TLCD3B: variants seen among roughly 807,000 people sequenced by gnomAD.
TLCD3B encodes TLC domain containing 3B, also known as ceramide synthase.
A neutral mutation model predicts 23.0 loss-of-function variants in TLCD3B; 9 were observed. That is an observed-to-expected ratio of 0.39 (90% CI 0.24 to 0.68). The LOEUF (loss-of-function observed/expected upper bound fraction) is 0.68. Ranked by LOEUF, TLCD3B falls within the 30% of genes least tolerant of loss-of-function variation. TLCD3B has a pLI of 0.44. For synonymous variants in TLCD3B, 161 were observed against 161.0 expected, an observed-to-expected ratio of 1.00 and a Z score of 0.00; for missense variants, 307 against 371.8, an observed-to-expected ratio of 0.83 and a Z score of 1.43.
chr16:30,025,081 G>C lies in TLCD3B; in HGVS notation c.*102C>G, dbSNP rs1440661332. 1.3e-6 allele frequency: 1 copy of C among 780,642 alleles called. No individual in the cohort carries two copies. Among genetic ancestry groups the C allele is most frequent in the African/African-American group, 1.8e-5 (1 of 56,076 alleles). 48.4% of individuals were successfully genotyped at this position (780,642 alleles called of 1,614,324 possible). A position where few individuals can be genotyped will look rare whatever the true frequency, so the allele number is the denominator to read the frequency against. On this transcript the variant is annotated 3_prime_UTR_variant, in exon 5 of 5. Transcript: ENST00000380495. The surrounding 1 kb of genome is among the most constrained non-coding windows in gnomAD (Gnocchi z 4.1). ...CGGGGTCATCGTCAGTCCTGGGGTT[G>C]TCCGGGCAAGAGGACCCTGGCTCCC...
At chr16:30,038,723 A>C (rs1407811396) in intron 3 of TLCD3B, among the ~76,000 whole-genome samples, 2 of 151,986 alleles carry the variant, frequency 1.3e-5, no homozygotes, top group African/African-American at 4.8e-5. Context: ...ACGCCACTGC[A>C]CTTCAGCCTG....
chr16:30,047,763 A>ATTTT (rs538919957), intron 1 of TLCD3B, among the ~76,000 whole-genome samples: 14 of 145,064 alleles, frequency 9.7e-5, no homozygotes, highest in African/African-American at 2.3e-4. Context: ...GTGGCCTATA[A>ATTTT]TTTTTTTTTT....
chr16:30,039,430 C>T (rs544297298), intron 3 of TLCD3B, among the ~76,000 whole-genome samples: 1 of 151,554 alleles, frequency 6.6e-6, no homozygotes, highest in South Asian at 2.1e-4. Flanking sequence ...GCTTCTTCCT[C>T]ATATTCTTTT....
rs1336376395 is a variant in TLCD3B, at chr16:30,026,737, C to T, written c.316G>A (p.Gly106Arg). ...GCTCTGGCCGCTCCGTCGTCCCCTC[C>T]ATGCCCTTTGACCTGGTGCTTGTGC... ...HWHKHQVKGH[G>R]GDDGAARAPG... Residue 106 changes from glycine to arginine, a missense_variant, in exon 3 of 5, where the codon GGA becomes AGA. Physicochemically the swap from Gly to Arg is moderately radical, Grantham distance 125 (BLOSUM62 -2). Transcript: ENST00000380495. 1.2e-6 allele frequency: 2 copies of T among 1,614,168 alleles called. No homozygotes were observed. The highest frequency in any genetic ancestry group is 1.7e-6 in the Non-Finnish European group (2 of 1,180,038).
chr16:30,051,552 A>G (rs1449045812), intron 1 of TLCD3B, among the ~76,000 whole-genome samples: 1 of 151,472 alleles, frequency 6.6e-6, no homozygotes, highest in Non-Finnish European at 1.5e-5. Flanking sequence ...AAAGAAAAGA[A>G]AAAAGAAAGA....
intron 1 of TLCD3B, among the ~76,000 whole-genome samples, chr16:30,047,000 G>A (rs756224244): frequency 5.9e-5 from 9 of 152,100 alleles, no homozygotes; most frequent in Non-Finnish European, 7.3e-5. Context: ...TCGATCTGTC[G>A]TCCAGGCTGG....
intron 1 of TLCD3B, among the ~76,000 whole-genome samples, chr16:30,047,412 C>G (rs1261769618): frequency 2.0e-5 from 3 of 152,106 alleles, no homozygotes; most frequent in African/African-American, 7.2e-5. Context: ...ACCTCTGCCT[C>G]CCAGGTTCAA....
At chr16:30,037,154 C>T (rs2071489887) in intron 3 of TLCD3B, among the ~76,000 whole-genome samples, 1 of 151,506 alleles carries the variant, frequency 6.6e-6, no homozygotes, top group South Asian at 2.1e-4. Flanking sequence ...AGGCTGGAAT[C>T]CCCGCACCTC....
intron 1 of TLCD3B, among the ~76,000 whole-genome samples, chr16:30,050,672 CA>C (rs2071736320): frequency 6.6e-6 from 1 of 152,182 alleles, no homozygotes; most frequent in South Asian, 2.1e-4. Context: ...CTGAGAGGGC[CA>C]GGGGTGGCCA....
Position 30,030,129 on chromosome 16 carries a change from T to A in TLCD3B, c.125+274A>T, listed in dbSNP as rs4788214. 571 of 1,466,824 alleles carry A rather than the reference T, an allele frequency of 3.9e-4. 11 individuals carry two copies. In the Admixed American group the frequency reaches 0.011, roughly 29 times the overall value. 90.9% of individuals were successfully genotyped at this position (1,466,824 alleles called of 1,614,324 possible). On this transcript the variant is annotated intron_variant, in intron 1 of 4. Transcript: ENST00000380495. The stretch of plus-strand genomic sequence containing the variant: ...GTCTTATAGGAATGTCTTCGCCGCA[T>A]GCTGGCCCTGTTTTGGAGGGTGGGA...
At position 30,025,839 on chromosome 16, in the gene TLCD3B, A is replaced by C. The variant is rs1406662920; in HGVS notation, c.445-18T>G. ...CGCCACACCTGGGCACAGAGGCAGGAAGGTGAGGAGCTGGGGCTCTCCCTG... is the reference window on the plus strand; with the variant it reads ...CGCCACACCTGGGCACAGAGGCAGGCAGGTGAGGAGCTGGGGCTCTCCCTG... On this transcript the variant is annotated intron_variant, in intron 3 of 4. Transcript: ENST00000380495. This position sits in a 1 kb window ranked among gnomAD's most constrained non-coding sequence, Gnocchi z 4.1. 1 of 1,604,164 alleles carries C rather than the reference A, an allele frequency of 6.2e-7. No homozygotes were observed. Among genetic ancestry groups the C allele is most frequent in the Non-Finnish European group, 8.5e-7 (1 of 1,171,528 alleles).
upstream of TLCD3B, among the ~76,000 whole-genome samples, chr16:30,033,987 A>C (rs1360241115): frequency 1.3e-5 from 2 of 151,928 alleles, no homozygotes; most frequent in East Asian, 3.9e-4. Flanking sequence ...AAGAATTGGG[A>C]GACAGCCCAC....
Position 30,037,198 on chromosome 16 carries a change from G to T in TLCD3B, c.-66-984C>A, listed in dbSNP as rs866902041. Among the ~76,000 whole-genome samples the T allele has an allele frequency of 2.6e-5, 4 of 151,782 alleles. No individual in the cohort carries two copies. The Middle Eastern group carries it at 0.01, about 387-fold the overall frequency. On this transcript the variant is annotated intron_variant, in intron 3 of 6. Transcript: ENST00000561666. ...AGGTGGGAGGATCACTTGAGGCCAG[G>T]AGTTCAAGACCAGTTTGGGCAACAT...
chr16:30,026,951 TG>T, intron 2 of TLCD3B, 108 bp from the exon 3 acceptor site: 1 of 911,642 alleles, frequency 1.1e-6, no homozygotes, highest in East Asian at 2.6e-5. Context: ...AGCGGAGTCT[TG>T]GGTACAGATG....
At chr16:30,040,133 C>CAA (rs1205462051) in intron 3 of TLCD3B, among the ~76,000 whole-genome samples, 872 of 84,780 alleles carry the variant, frequency 0.01, 18 homozygotes, top group African/African-American at 0.02. Context: ...GACTTTGTCT[C>CAA]AAAAAAAAAA....
At position 30,030,427 on chromosome 16, in the gene TLCD3B, G is replaced by T; in HGVS notation, c.101C>A (p.Ala34Asp). The T allele has an allele frequency of 6.3e-7, 1 of 1,596,648 alleles. No homozygotes were observed. ...QRLPQLRWEEADAVIVSARLV... is the reference protein window; with the variant it reads ...QRLPQLRWEEDDAVIVSARLV... Reference sequence around the variant, plus strand: ...CCTGGCTGAGACAATGACTGCGTCGGCCTCCTCCCAGCGTAGCTGGGGCAG... The same window carrying T: ...CCTGGCTGAGACAATGACTGCGTCGTCCTCCTCCCAGCGTAGCTGGGGCAG... The change falls in exon 1 of 5, where the codon GCC (alanine) becomes GAC (aspartate). Residue 34 changes from alanine to aspartate, a missense_variant. Transcript: ENST00000380495.
At position 30,025,114 on chromosome 16, in the gene TLCD3B, G is replaced by A. The variant is rs2071048081; in HGVS notation, c.*69C>T. The A allele has an allele frequency of 1.8e-6, 2 of 1,114,206 alleles. No homozygotes were observed. Among genetic ancestry groups the A allele is most frequent in the Non-Finnish European group, 2.5e-6 (2 of 812,274 alleles). The allele number at this position is 1,114,206 out of a possible 1,614,324, so 69.0% of individuals were successfully genotyped here. The stretch of plus-strand genomic sequence containing the variant: ...AAGAGGACCCTGGCTCCCAACCCCA[G>A]CCATCAGCCCCAGAGCCCTGTCTCC... On this transcript the variant is annotated 3_prime_UTR_variant, in exon 5 of 5. Transcript: ENST00000380495. The surrounding 1 kb of genome is among the most constrained non-coding windows in gnomAD (Gnocchi z 4.1).
At chr16:30,031,482 A>G (rs2071358428), upstream of TLCD3B, among the ~76,000 whole-genome samples, 1 of 152,154 alleles carries the variant, frequency 6.6e-6, no homozygotes, top group Non-Finnish European at 1.5e-5. Context: ...CCTGCTTCCC[A>G]TCAGCACTTT....
At chr16:30,045,348 GT>G (rs2071649843) in intron 2 of TLCD3B, among the ~76,000 whole-genome samples, 3 of 142,450 alleles carry the variant, frequency 2.1e-5, no homozygotes, top group East Asian at 2.6e-4. Context: ...GTGTTTGTGT[GT>G]GTGGTGTGTG....
Sources: gnomAD v4.1 joint callset for allele counts (sites outside exome capture counted in the v4.1 genomes callset) on GRCh38, gnomAD v4.1.1 for gene constraint, Gnocchi (gnomAD v3.1) non-coding constraint, MANE v1.5 for transcripts, NCBI Gene and HGNC (gene_info 2026-07-23, HGNC 2026-07-21) for gene names.